PCNX2: variants seen among roughly 807,000 people sequenced by gnomAD.
The protein encoded by PCNX2 is pecanex-like protein 2.
In PCNX2, 168 loss-of-function variants were observed where a neutral mutation model predicts 223.8. The observed-to-expected ratio is 0.75, with a 90% CI of 0.66 to 0.85. The LOEUF is 0.85. Among genes scored for constraint, PCNX2 ranks in the 40% least tolerant of loss-of-function variants. The pLI, the probability that PCNX2 is intolerant of heterozygous loss-of-function variation, is 0.00. For missense variants in PCNX2, 2,507 were observed against 2,675.5 expected, an observed-to-expected ratio of 0.94 and a Z score of 1.39; for synonymous variants, 1,006 against 1,052.6, an observed-to-expected ratio of 0.96 and a Z score of 0.86.
chr1:233,180,888 A>G (rs1319864580), intron 15 of PCNX2: 3 of 152,230 alleles, frequency 2.0e-5, no homozygotes, highest in Non-Finnish European at 4.4e-5. Context: ...TGCCTCTCAG[A>G]TCAGCTTCCC....
At chr1:233,280,561 G>A (rs996152885) in intron 1 of PCNX2, among the ~76,000 whole-genome samples, 1 of 152,136 alleles carries the variant, frequency 6.6e-6, no homozygotes. Context: ...GCCTCCCAAA[G>A]TGTTGGGATT....
At chr1:233,224,205 C>T (rs1317689900) in intron 10 of PCNX2, among the ~76,000 whole-genome samples, 4 of 151,950 alleles carry the variant, frequency 2.6e-5, no homozygotes, top group Admixed American at 6.6e-5. Flanking sequence ...CTGACCTGAT[C>T]GACTAGATAA....
chr1:233,178,250 T>C (rs769162584), intron 16 of PCNX2, among the ~76,000 whole-genome samples: 11 of 152,334 alleles, frequency 7.2e-5, no homozygotes, highest in Non-Finnish European at 1.6e-4. Context: ...CTAAAAATTG[T>C]GTGAACCATG....
chr1:232,988,203 G>C (rs534903788), intron 32 of PCNX2, among the ~76,000 whole-genome samples: 11 of 152,206 alleles, frequency 7.2e-5, no homozygotes, highest in Non-Finnish European at 1.5e-4. Context: ...TCGTAAAGCT[G>C]ATCACTGTCC....
At chr1:233,289,282 C>G (rs1661623999) in intron 1 of PCNX2, 2 of 980,454 alleles carry the variant, frequency 2.0e-6, no homozygotes, top group African/African-American at 3.2e-5. Context: ...GCTTTCTGAC[C>G]ACCACCAACC....
At chr1:233,109,260 GC>G (rs1674979404) in intron 21 of PCNX2, among the ~76,000 whole-genome samples, 1 of 152,112 alleles carries the variant, frequency 6.6e-6, no homozygotes, top group African/African-American at 2.4e-5. Context: ...AGAACATCCA[GC>G]TGTCAACCAA....
At chr1:233,238,387 G>T (rs942549554) in intron 8 of PCNX2, among the ~76,000 whole-genome samples, 6 of 152,108 alleles carry the variant, frequency 3.9e-5, no homozygotes, top group African/African-American at 1.4e-4. Flanking sequence ...CTGTGAGAAT[G>T]GTGTTTAAAA....
rs373643955 is a variant in PCNX2, at chr1:233,258,337, C to G, written c.1525G>C (p.Glu509Gln). Residue 509 changes from glutamate (E) to glutamine (Q), a missense_variant, in exon 5 of 34, where the codon GAA (glutamate) becomes CAA (glutamine). Glu to Gln is a conservative substitution (Grantham distance 29). Coordinates refer to ENST00000258229, the MANE Select transcript of PCNX2 (RefSeq NM_014801.4). ...DTGSESKVGK[E>Q]GQTNLDPSSC... ...GATGGGTCAAGGTTAGTCTGGCCTT[C>G]CTTCCCCACCTTAGACTCGGAGCCT... 5.2e-5 allele frequency: 84 copies of G among 1,613,922 alleles called. No individual in the cohort carries two copies. The highest frequency in any genetic ancestry group is 6.8e-5 in the Non-Finnish European group (80 of 1,179,910).
intron 25 of PCNX2, among the ~76,000 whole-genome samples, chr1:233,053,750 A>G (rs922787198): frequency 3.9e-5 from 6 of 152,236 alleles, no homozygotes; most frequent in African/African-American, 7.2e-5. Context: ...GGCAGACTCA[A>G]TAACCATAAA....
At chr1:233,120,883 C>A (rs1675741294) in intron 21 of PCNX2, among the ~76,000 whole-genome samples, 1 of 151,484 alleles carries the variant, frequency 6.6e-6, no homozygotes, top group African/African-American at 2.4e-5. Flanking sequence ...TAAAAAAGAA[C>A]CAACTACTAA....
chr1:233,237,434 G>T (rs1244291863), intron 8 of PCNX2, among the ~76,000 whole-genome samples: 1 of 152,156 alleles, frequency 6.6e-6, no homozygotes. Flanking sequence ...CCAAAGCAAG[G>T]TAAGTACTTA....
At position 233,016,990 on chromosome 1, in the gene PCNX2, C is replaced by T. The variant is rs1315942488; in HGVS notation, c.4770G>A (p.Gly1590=). The change falls in exon 27 of 34, where the codon GGG becomes GGA. Residue 1590 remains glycine (G), a synonymous_variant. Coordinates refer to ENST00000258229, the MANE Select transcript of PCNX2 (RefSeq NM_014801.4). ...IDDDYVPCLQ[G]ITRASFCNVY... ...CATTGCAGAAGCTAGCTCGTGTGATCCCCTGGAGACACGGGACGTAGTCAT... is the reference window on the plus strand; with the variant it reads ...CATTGCAGAAGCTAGCTCGTGTGATTCCCTGGAGACACGGGACGTAGTCAT... The T allele has an allele frequency of 6.2e-7, 1 of 1,613,876 alleles. No individual in the cohort carries two copies. The highest frequency in any genetic ancestry group is 2.2e-5 in the East Asian group (1 of 44,884).
At position 233,259,145 on chromosome 1, in the gene PCNX2, C is replaced by T. The variant is rs1379255318; in HGVS notation, c.717G>A (p.Leu239=). 1.9e-6 allele frequency: 3 copies of T among 1,614,020 alleles called. No homozygotes were observed. The highest frequency in any genetic ancestry group is 2.7e-5 in the African/African-American group (2 of 75,056). ...CTAAGCCACCCTCGGATCTGTGGCG[C>T]AAAGGAGGCTGCCCCTTGCCTCCTC... ...KERGGKGQPP[L]RHRSEGGLVD... is the part of the protein sequence containing the mutation. The change falls in exon 5 of 34, where the codon TTG becomes TTA. Residue 239 remains leucine (L), a synonymous_variant. Coordinates refer to ENST00000258229, the MANE Select transcript of PCNX2 (RefSeq NM_014801.4).
At chr1:233,092,175 T>C (rs1417184813) in intron 22 of PCNX2, among the ~76,000 whole-genome samples, 1 of 152,106 alleles carries the variant, frequency 6.6e-6, no homozygotes, top group Non-Finnish European at 1.5e-5. Context: ...AGGGGCTGTG[T>C]TGAGAAGAAT....
chr1:233,138,516 GGGGA>G (rs776007445), intron 20 of PCNX2, among the ~76,000 whole-genome samples: 10 of 152,134 alleles, frequency 6.6e-5, no homozygotes, highest in Non-Finnish European at 1.3e-4. Context: ...TTGTTCTCAG[GGGGA>G]GTTGCAGGGT....
intron 1 of PCNX2, among the ~76,000 whole-genome samples, chr1:233,265,297 G>C (rs1277049346): frequency 4.0e-5 from 6 of 151,666 alleles, no homozygotes; most frequent in African/African-American, 1.5e-4. Context: ...CATGTAACTA[G>C]GGTTTCATAG....
chr1:233,130,397 T>C (rs1175843249), intron 21 of PCNX2, among the ~76,000 whole-genome samples: 2 of 151,852 alleles, frequency 1.3e-5, no homozygotes, highest in African/African-American at 2.4e-5. Context: ...ACCGTCTCGA[T>C]ACACGGCTGC....
Position 232,991,071 on chromosome 1 carries a change from G to A in PCNX2, c.5792-4531C>T, listed in dbSNP as rs971637394. 3.9e-5 allele frequency among the ~76,000 whole-genome samples: 6 copies of A among 152,200 alleles called. No homozygotes were observed. The highest frequency in any genetic ancestry group is 1.9e-4 in the East Asian group (1 of 5,190). ...CGTGGGCTGCACTGTCCTAGGTGCC[G>A]GGCAGTGAGCAGCTCATGGGAAATT... On this transcript the variant is annotated intron_variant, in intron 32 of 33. Coordinates refer to ENST00000258229, the MANE Select transcript of PCNX2 (RefSeq NM_014801.4). The surrounding 1 kb of genome is among the most constrained non-coding windows in gnomAD (Gnocchi z 4.3).
chr1:233,219,408 G>A (rs776917527), intron 10 of PCNX2, among the ~76,000 whole-genome samples: 8 of 152,118 alleles, frequency 5.3e-5, no homozygotes, highest in Non-Finnish European at 1.2e-4. Flanking sequence ...ATGGAAGGAA[G>A]TGGCAGAAAT....
Sources: gnomAD v4.1 joint callset for allele counts (sites outside exome capture counted in the v4.1 genomes callset) on GRCh38, gnomAD v4.1.1 for gene constraint, Gnocchi (gnomAD v3.1) non-coding constraint, MANE v1.5 for transcripts, NCBI Gene and HGNC (gene_info 2026-07-23, HGNC 2026-07-21) for gene names.